ATAD2B: variants seen among roughly 807,000 people sequenced by gnomAD.
ATAD2B encodes ATPase family AAA domain-containing protein 2B.
A neutral mutation model predicts 167.6 loss-of-function variants in ATAD2B; 40 were observed. The ratio of observed to expected loss-of-function variants is 0.24; its 90% CI spans 0.19 to 0.31. The LOEUF (loss-of-function observed/expected upper bound fraction) is 0.31. ATAD2B is among the 10% of genes least tolerant of loss of function. The pLI is 1.00. For missense variants in ATAD2B, 1,242 were observed against 1,757.2 expected, an observed-to-expected ratio of 0.71 and a Z score of 5.24; for synonymous variants, 579 against 596.5, an observed-to-expected ratio of 0.97 and a Z score of 0.43.
intron 8 of ATAD2B, among the ~76,000 whole-genome samples, chr2:23,871,802 CCTT>C (rs1007169365): frequency 1.3e-5 from 2 of 152,194 alleles, no homozygotes; most frequent in Admixed American, 6.5e-5. Flanking sequence ...ACCTCCTACT[CCTT>C]CTCTACTAAT....
chr2:23,904,717 A>G (rs1374484519), intron 1 of ATAD2B, among the ~76,000 whole-genome samples: 2 of 152,160 alleles, frequency 1.3e-5, no homozygotes, highest in African/African-American at 2.4e-5. Context: ...CAGAAAATGT[A>G]TGGGTACAAA....
chr2:23,782,570 T>G (rs1361037361), intron 22 of ATAD2B, among the ~76,000 whole-genome samples: 1 of 152,234 alleles, frequency 6.6e-6, no homozygotes, highest in African/African-American at 2.4e-5. Context: ...TTCTGAATCT[T>G]TATCAGCCCT....
At chr2:23,813,353 T>C in intron 17 of ATAD2B, among the ~76,000 whole-genome samples, 1 of 148,136 alleles carries the variant, frequency 6.8e-6, no homozygotes, top group South Asian at 2.1e-4. Flanking sequence ...TGAATTATAA[T>C]ATATAAGTTT....
At chr2:23,691,785 G>A in the ATAD2B span, 1 of 1,551,704 alleles carries the variant, frequency 6.4e-7, no homozygotes, top group Middle Eastern at 1.7e-4. Context: ...CGGGCTCCCT[G>A]GTCATCGACT....
intron 4 of ATAD2B, 86 bp from the exon 5 acceptor site, chr2:23,885,915 T>G (rs751543845): frequency 2.6e-6 from 2 of 763,228 alleles, no homozygotes; most frequent in Non-Finnish European, 4.1e-6. Context: ...AATCAAATCA[T>G]CTCTGATGTG....
intron 1 of ATAD2B, among the ~76,000 whole-genome samples, chr2:23,903,748 G>T (rs1396673413): frequency 6.6e-6 from 1 of 152,182 alleles, no homozygotes; most frequent in Non-Finnish European, 1.5e-5. Context: ...ATTTAAAAAT[G>T]AGAGATGCAT....
At chr2:23,804,209 C>T (rs1310371437) in intron 18 of ATAD2B, among the ~76,000 whole-genome samples, 1 of 152,174 alleles carries the variant, frequency 6.6e-6, no homozygotes, top group Non-Finnish European at 1.5e-5. Context: ...TATGTAACAG[C>T]TTCTTCTTGC....
At chr2:23,858,085 A>C (rs1693717661) in intron 12 of ATAD2B, among the ~76,000 whole-genome samples, 1 of 149,838 alleles carries the variant, frequency 6.7e-6, no homozygotes, top group Non-Finnish European at 1.5e-5. Flanking sequence ...CACACCACAC[A>C]CATTCTTTTT....
In ATAD2B at chr2:23,895,935, G is replaced by C; in HGVS notation, c.252C>G (p.His84Gln). 3 of 1,613,048 alleles carry C rather than the reference G, an allele frequency of 1.9e-6. No homozygotes were observed. The highest frequency in any genetic ancestry group is 1.7e-6 in the Non-Finnish European group (2 of 1,179,294). The stretch of plus-strand genomic sequence containing the variant: ...AAGTGCGTTTGGCTGGAGGAGATAC[G>C]TGGCTATCACTTAAACTACCATCAA... ...VEVDGSLSDS[H>Q]VSPPAKRTLK... is the part of the protein sequence containing the mutation. The change falls in exon 2 of 28, where the codon CAC becomes CAG. Residue 84 changes from histidine (H) to glutamine (Q), a missense_variant. By Grantham distance (24) the His-to-Gln change is conservative (BLOSUM62 0). Transcript: ENST00000238789.
intron 27 of ATAD2B, 72 bp from the exon 28 acceptor site, chr2:23,752,159 C>A: frequency 8.8e-7 from 1 of 1,134,206 alleles, no homozygotes; most frequent in South Asian, 1.4e-5. Flanking sequence ...CGGAAGAATT[C>A]ACTTTAAATT....
rs539714554 is a variant in ATAD2B at position 23,907,941 on chromosome 2, G to C, written c.217-11971C>G. On this transcript the variant is annotated intron_variant, in intron 1 of 27. Transcript: ENST00000238789. The stretch of plus-strand genomic sequence containing the variant: ...TGGGAAAACTGGCTAGCCATATGTA[G>C]AAAGCTGAAACTGGATCCCTTCCTT... 2.4e-3 allele frequency among the ~76,000 whole-genome samples: 367 copies of C among 152,162 alleles called. 2 individuals are homozygous for C. The highest frequency in any genetic ancestry group is 8.3e-3 in the African/African-American group (345 of 41,508).
the ATAD2B span, among the ~76,000 whole-genome samples, chr2:23,699,836 A>G: frequency 2.0e-5 from 3 of 152,080 alleles, no homozygotes; most frequent in Non-Finnish European, 4.4e-5. Context: ...CCTCTTCAGC[A>G]CTTTCTCCTA....
chr2:23,914,272 T>C (rs1347152600), intron 1 of ATAD2B, among the ~76,000 whole-genome samples: 2 of 151,088 alleles, frequency 1.3e-5, no homozygotes, highest in Non-Finnish European at 2.9e-5. Flanking sequence ...TAAAACTATA[T>C]GTGTGTACAA....
At chr2:23,680,464 G>A in the ATAD2B span, among the ~76,000 whole-genome samples, 3 of 152,296 alleles carry the variant, frequency 2.0e-5, no homozygotes, top group Middle Eastern at 3.4e-3. This position sits in a 1 kb window ranked among gnomAD's most constrained non-coding sequence, Gnocchi z 4.1. Context: ...AGACGTAGGC[G>A]GGCATCCCGC....
intron 1 of ATAD2B, among the ~76,000 whole-genome samples, chr2:23,911,322 A>C (rs1243618276): frequency 6.6e-6 from 1 of 152,194 alleles, no homozygotes; most frequent in Non-Finnish European, 1.5e-5. Context: ...TGGGAGGCCA[A>C]GGTAGGCAGA....
chr2:23,754,754 A>G lies in ATAD2B; in HGVS notation c.4099T>C (p.Tyr1367His). 1.9e-6 allele frequency: 3 copies of G among 1,612,326 alleles called. No homozygotes were observed. In the South Asian group the frequency reaches 3.3e-5, roughly 18 times the overall value. The change falls in exon 26 of 28, where the codon TAC (tyrosine) becomes CAC (histidine). Residue 1367 changes from tyrosine (Y) to histidine (H), a missense_variant. Around this residue, in one of 9 missense-constraint regions of ATAD2B, gnomAD observed 282 missense variants for 346.8 expected, o/e 0.81. Coordinates refer to ENST00000238789, the MANE Select transcript of ATAD2B (RefSeq NM_017552.4). ...GCCTGCTCTAAAATTAATTTACGGT[A>G]TTTCTTTACTTTAGAAGCACCTATA... ...DKEGASKVKK[Y>H]RKLILEQAKT...
intron 2 of ATAD2B, among the ~76,000 whole-genome samples, chr2:23,889,811 C>G (rs928990450): frequency 6.6e-6 from 1 of 151,340 alleles, no homozygotes; most frequent in Middle Eastern, 3.2e-3. Context: ...CCCAGCTACT[C>G]GGGAGGCTGA....
chr2:23,866,262 G>A (rs568187947), intron 10 of ATAD2B, among the ~76,000 whole-genome samples: 1 of 152,244 alleles, frequency 6.6e-6, no homozygotes, highest in South Asian at 2.1e-4. Flanking sequence ...AAAATTAGCT[G>A]GGCGTGGTGG....
intron 22 of ATAD2B, among the ~76,000 whole-genome samples, chr2:23,778,667 A>G (rs772833417): frequency 1.4e-4 from 22 of 152,248 alleles, no homozygotes; most frequent in Non-Finnish European, 2.4e-4. Flanking sequence ...AGGATGAACC[A>G]TATGAAAATG....
Sources: allele counts gnomAD v4.1 joint callset (sites outside exome capture counted in the v4.1 genomes callset), GRCh38; gene constraint gnomAD v4.1.1; regional missense constraint gnomAD v4.1.1; non-coding constraint Gnocchi (gnomAD v3.1); transcripts MANE v1.5; gene names NCBI Gene and HGNC (gene_info 2026-07-23, HGNC 2026-07-21).